The following RNF43 variants were observed in gnomAD, a reference collection of about 807,000 sequenced individuals.
RNF43 encodes the protein E3 ubiquitin-protein ligase RNF43.
Under a neutral mutation model 78.4 loss-of-function variants are expected in RNF43, and 37 were observed. That is an observed-to-expected ratio of 0.47 (90% CI 0.36 to 0.62). The LOEUF (loss-of-function observed/expected upper bound fraction) is 0.62. RNF43 is among the 20% of genes least tolerant of loss of function. The probability of loss-of-function intolerance (pLI) is 0.00; values close to 1 mark genes in which losing one functional copy is unlikely to be tolerated. For synonymous variants in RNF43, 347 were observed against 395.0 expected (o/e 0.88, Z 1.44); for missense variants, 774 against 1,007.9 (o/e 0.77, Z 3.14).
At chr17:58,405,055 G>A (rs1973875571) in intron 2 of RNF43, among the ~76,000 whole-genome samples, 1 of 150,498 alleles carries the variant, frequency 6.6e-6, no homozygotes, top group Non-Finnish European at 1.5e-5. Context: ...GGTATGACTG[G>A]GTTGTAGTAC....
intron 2 of RNF43, among the ~76,000 whole-genome samples, chr17:58,371,319 C>T (rs551845192): frequency 1.1e-4 from 17 of 152,336 alleles, no homozygotes; most frequent in African/African-American, 3.9e-4. Context: ...TAACAACCTT[C>T]AACTCCAACA....
At position 58,360,738 on chromosome 17, in the gene RNF43, T is replaced by C; in HGVS notation, c.849+45A>G. 1 of 1,471,420 alleles carries C rather than the reference T, an allele frequency of 6.8e-7. No homozygotes were observed. Among genetic ancestry groups the C allele is most frequent in the Non-Finnish European group, 9.3e-7 (1 of 1,080,358 alleles). 91.1% of individuals were successfully genotyped at this position (1,471,420 alleles called of 1,614,324 possible). Reference sequence around the variant, plus strand: ...CTGCCCACCCCTCCCCCAGCTTCAATCTCCCCAGTCTGGTCATGGAGGTGA... The same window carrying C: ...CTGCCCACCCCTCCCCCAGCTTCAACCTCCCCAGTCTGGTCATGGAGGTGA... On this transcript the variant is annotated intron_variant, in intron 7 of 9. Coordinates refer to ENST00000407977, the MANE Select transcript of RNF43 (RefSeq NM_017763.6). This position sits in a 1 kb window ranked among gnomAD's most constrained non-coding sequence, Gnocchi z 4.3.
At chr17:58,380,843 G>A (rs1973299137) in intron 2 of RNF43, among the ~76,000 whole-genome samples, 1 of 152,218 alleles carries the variant, frequency 6.6e-6, no homozygotes, top group Non-Finnish European at 1.5e-5. Context: ...AGGCTGTAGG[G>A]ATTTCAAGGT....
At chr17:58,368,578 T>G (rs1411127240) in intron 3 of RNF43, among the ~76,000 whole-genome samples, 6 of 144,076 alleles carry the variant, frequency 4.2e-5, no homozygotes, top group Non-Finnish European at 7.5e-5. Flanking sequence ...CTGGGTATGG[T>G]GGCACATAAC....
At chr17:58,400,031 GAT>G (rs1375196854) in intron 2 of RNF43, among the ~76,000 whole-genome samples, 1 of 152,178 alleles carries the variant, frequency 6.6e-6, no homozygotes, top group African/African-American at 2.4e-5. Flanking sequence ...CTCAGACTCT[GAT>G]AAGTCAAAAC....
Position 58,363,112 on chromosome 17 carries a change from G to A in RNF43, c.582+163C>T, listed in dbSNP as rs1304508471. 2.7e-5 allele frequency: 21 copies of A among 788,596 alleles called. 1 individual carries two copies. Among genetic ancestry groups the A allele is most frequent in the South Asian group, 7.3e-5 (4 of 55,010 alleles). The allele number at this position is 788,596 out of a possible 1,614,324, so 48.8% of individuals were successfully genotyped here. A position where few individuals can be genotyped will look rare whatever the true frequency, so the allele number is the denominator to read the frequency against. On this transcript the variant is annotated intron_variant, in intron 5 of 9. Transcript: ENST00000407977. ...CATTCTGTAGGTGAGGCCCAAAGAC[G>A]GGGGAAAACTTGCCCAGAGGCACAC... is the stretch of plus-strand genomic sequence containing the variant.
intron 2 of RNF43, among the ~76,000 whole-genome samples, chr17:58,378,351 G>A (rs1973248558): frequency 6.6e-6 from 1 of 152,042 alleles, no homozygotes; most frequent in Non-Finnish European, 1.5e-5. Context: ...TCAACCTCCT[G>A]GGCTCAAGCA....
chr17:58,362,392 T>C (rs1223862789), intron 6 of RNF43, 152 bp downstream of exon 6: 1 of 522,488 alleles, frequency 1.9e-6, no homozygotes, highest in African/African-American at 2.0e-5. Flanking sequence ...GAGAGGCTGC[T>C]GGAAATCAAC....
At chr17:58,416,651 G>C (rs980658773) in intron 1 of RNF43, 3 of 152,182 alleles carry the variant, frequency 2.0e-5, no homozygotes, top group South Asian at 2.1e-4. Flanking sequence ...ATTCCCTGAG[G>C]GGGTAGGGAA....
At chr17:58,401,991 TG>T (rs1415298280) in intron 2 of RNF43, among the ~76,000 whole-genome samples, 1 of 152,202 alleles carries the variant, frequency 6.6e-6, no homozygotes, top group Non-Finnish European at 1.5e-5. Context: ...AATGGTCAGT[TG>T]ATGATTCCAT....
chr17:58,374,004 T>C (rs1973153177), intron 2 of RNF43, among the ~76,000 whole-genome samples: 1 of 152,326 alleles, frequency 6.6e-6, no homozygotes, highest in African/African-American at 2.4e-5. Context: ...ACAGTTTATA[T>C]TTATTGGGTA....
Position 58,406,551 on chromosome 17 carries a change from A to G in RNF43, c.252+8775T>C, listed in dbSNP as rs143824867. Among the ~76,000 whole-genome samples, 889 of 152,314 alleles carry G rather than the reference A, an allele frequency of 5.8e-3. 4 individuals carry two copies. Among genetic ancestry groups the G allele is most frequent in the African/African-American group, 9.4e-3 (392 of 41,552 alleles). ...TGAATAGGACTTAATTCCAATATAG[A>G]GCCAATACAGTCCTTCAGAAGTTAA... On this transcript the variant is annotated intron_variant, in intron 2 of 9. Transcript: ENST00000407977.
Position 58,358,333 on chromosome 17 carries a change from G to A in RNF43, c.1443C>T (p.Asn481=), listed in dbSNP as rs2143411982. 1 of 1,614,210 alleles carries A rather than the reference G, an allele frequency of 6.2e-7. No homozygotes were observed. Among genetic ancestry groups the A allele is most frequent in the Non-Finnish European group, 8.5e-7 (1 of 1,180,022 alleles). Residue 481 remains asparagine, a synonymous_variant, in exon 9 of 10, where the codon AAC becomes AAT. Transcript: ENST00000407977. This position sits in a 1 kb window ranked among gnomAD's most constrained non-coding sequence, Gnocchi z 6.2. ...CCCCCTGTAGGCTGATGTCCGTGCA[G>A]TTGACCACAGAGTCACTGGAAGAGC... ...CHGSSSDSVV[N]CTDISLQGVH...
At chr17:58,364,141 G>T (rs1034098469) in intron 3 of RNF43, among the ~76,000 whole-genome samples, 5 of 152,186 alleles carry the variant, frequency 3.3e-5, no homozygotes, top group African/African-American at 1.2e-4. Context: ...CCACTCTCAC[G>T]CAAGGCCACC....
intron 2 of RNF43, among the ~76,000 whole-genome samples, chr17:58,386,706 G>A (rs909449356): frequency 6.6e-6 from 1 of 151,956 alleles, no homozygotes; most frequent in Non-Finnish European, 1.5e-5. Flanking sequence ...ATCCTTCAAG[G>A]GCAAGTTCAT....
At chr17:58,364,807 C>T (rs1972915200) in intron 3 of RNF43, among the ~76,000 whole-genome samples, 1 of 152,250 alleles carries the variant, frequency 6.6e-6, no homozygotes, top group Middle Eastern at 3.2e-3. Context: ...AGGCTCAGCA[C>T]TTTGATCTCT....
chr17:58,377,901 T>C lies in RNF43; in HGVS notation c.253-6868A>G, dbSNP rs192262101. Among the ~76,000 whole-genome samples the C allele has an allele frequency of 3.8e-3, 577 of 152,150 alleles. 4 individuals carry two copies. Among genetic ancestry groups the C allele is most frequent in the African/African-American group, 0.013 (550 of 41,486 alleles). On this transcript the variant is annotated intron_variant, in intron 2 of 9. Transcript: ENST00000407977. ...CCTTTCCTGCACAACCTCCATTACC[T>C]GAACTTTTATCTTAGGTAGGAGGAC...
At chr17:58,384,532 G>A (rs918490833) in intron 2 of RNF43, among the ~76,000 whole-genome samples, 1 of 152,172 alleles carries the variant, frequency 6.6e-6, no homozygotes, top group African/African-American at 2.4e-5. Flanking sequence ...TATTAGCAAA[G>A]TGCTTTATAA....
At chr17:58,387,313 A>G (rs1300442350) in intron 2 of RNF43, among the ~76,000 whole-genome samples, 1 of 152,116 alleles carries the variant, frequency 6.6e-6, no homozygotes, top group Non-Finnish European at 1.5e-5. Context: ...ACTTGAATAC[A>G]TTTACATGAG....
Sources: allele counts gnomAD v4.1 joint callset (sites outside exome capture counted in the v4.1 genomes callset), GRCh38; gene constraint gnomAD v4.1.1; non-coding constraint Gnocchi (gnomAD v3.1); transcripts MANE v1.5; gene names NCBI Gene and HGNC (gene_info 2026-07-23, HGNC 2026-07-21).